Variants in APBB2 observed in about 807,000 individuals in gnomAD.
APBB2 encodes the protein Fe65-like 1.
A neutral mutation model predicts 82.5 loss-of-function variants in APBB2; 38 were observed. The observed-to-expected ratio is 0.46, with a 90% CI of 0.36 to 0.60. The LOEUF is 0.60. APBB2 is among the 20% of genes least tolerant of loss of function. APBB2 has a pLI of 0.00. For missense variants in APBB2, 772 were observed against 972.3 expected (o/e 0.79, Z 2.74); for synonymous variants, 341 against 368.2 (o/e 0.93, Z 0.85).
intron 5 of APBB2, among the ~76,000 whole-genome samples, chr4:41,030,667 C>A (rs1716402763): frequency 6.6e-6 from 1 of 151,846 alleles, no homozygotes; most frequent in South Asian, 2.1e-4. Flanking sequence ...TACGGGCAAG[C>A]CTGATGATGA....
rs34694637 is a variant in APBB2, at chr4:40,928,387, AACACAC to A, written c.1254+6063_1254+6068del. Among the ~76,000 whole-genome samples the A allele has an allele frequency of 7.9e-4, 89 of 112,862 alleles. 2 individuals carry two copies. The highest frequency in any genetic ancestry group is 3.1e-3 in the East Asian group (11 of 3,554). 74.0% of individuals were successfully genotyped at this position (112,862 alleles called of 152,430 possible). On this transcript the variant is annotated intron_variant, in intron 10 of 17. Transcript: ENST00000508593. ...ATGAAACAACATCTCTACTAAAGAA[AACACAC>A]ACACACACACACACACACACACACA...
At position 41,064,212 on chromosome 4, in the gene APBB2, TTGTGATCC is replaced by T. The variant is rs1730866735; in HGVS notation, c.-51+1356_-51+1363del. Among the ~76,000 whole-genome samples, 9 of 139,196 alleles carry T rather than the reference TTGTGATCC, an allele frequency of 6.5e-5. No homozygotes were observed. In the Admixed American group the frequency reaches 6.6e-4, roughly 10 times the overall value. 91.3% of individuals were successfully genotyped at this position (139,196 alleles called of 152,430 possible). ...CCAGGATGGTCTCCATCTCCTGATCTTGTGATCCGCCCGCCTCATCCTCCCAAAGTGCT... is the reference window on the plus strand; with the variant it reads ...CCAGGATGGTCTCCATCTCCTGATCTGCCCGCCTCATCCTCCCAAAGTGCT... On this transcript the variant is annotated intron_variant, in intron 4 of 17. Coordinates refer to ENST00000508593, the MANE Select transcript of APBB2 (RefSeq NM_004307.2).
chr4:40,935,280 C>T (rs1785121317), intron 7 of APBB2, 141 bp from the exon 8 acceptor site: 1 of 628,188 alleles, frequency 1.6e-6, no homozygotes. Context: ...ACTCTAACAG[C>T]AACTTGTTGG....
intron 5 of APBB2, among the ~76,000 whole-genome samples, chr4:41,031,720 C>T (rs1278506721): frequency 2.0e-5 from 3 of 152,190 alleles, no homozygotes; most frequent in African/African-American, 4.8e-5. Context: ...TACTAGAGTA[C>T]CTTGAAGATA....
chr4:40,967,016 A>G (rs545736910), intron 6 of APBB2, among the ~76,000 whole-genome samples: 11 of 152,266 alleles, frequency 7.2e-5, no homozygotes, highest in African/African-American at 2.4e-4. Flanking sequence ...TGGACCAGTC[A>G]GCATGCACTT....
intron 12 of APBB2, chr4:40,881,424 A>G (rs2154346076): frequency 1.0e-6 from 1 of 975,186 alleles, no homozygotes; most frequent in South Asian, 4.7e-5. Flanking sequence ...TCCTAGGGAA[A>G]AAAAACAATG....
intron 5 of APBB2, among the ~76,000 whole-genome samples, chr4:41,015,979 T>C (rs534055401): frequency 1.7e-3 from 252 of 152,364 alleles, no homozygotes; most frequent in Non-Finnish European, 2.7e-3. Flanking sequence ...TACCATTTTA[T>C]GGGAAACATG....
Position 40,863,585 on chromosome 4 carries a change from T to C in APBB2, c.1529+26779A>G, listed in dbSNP as rs147323137. 2.6e-3 allele frequency among the ~76,000 whole-genome samples: 389 copies of C among 152,216 alleles called. 6 individuals are homozygous for C. Among genetic ancestry groups the C allele is most frequent in the Non-Finnish European group, 4.4e-4 (30 of 68,004 alleles). ...AATGAGCAGCATAAAAGATTTTCAA[T>C]GAGCTTGGACAATGAAAGCCAGGGA... is the stretch of plus-strand genomic sequence containing the variant. On this transcript the variant is annotated intron_variant, in intron 12 of 17. Coordinates refer to ENST00000508593, the MANE Select transcript of APBB2 (RefSeq NM_004307.2).
At chr4:40,880,111 A>C in intron 12 of APBB2, 1 of 985,382 alleles carries the variant, frequency 1.0e-6, no homozygotes, top group African/African-American at 1.7e-5. Flanking sequence ...GTCAGTGATG[A>C]TCTCCAGTGC....
Position 40,823,653 on chromosome 4 carries a change from G to A in APBB2, c.1923C>T (p.Ile641=). ...MNVADATVTV[I]SEKNEEEVLV... ...GAAGATTCCTTCTCACCTTTTCACT[G>A]ATGACAGTCACAGTGGCATCAGCCA... Residue 641 remains isoleucine (I), a synonymous_variant, in exon 16 of 18, where the codon ATC becomes ATT. Coordinates refer to ENST00000508593, the MANE Select transcript of APBB2 (RefSeq NM_004307.2). 1 of 1,610,002 alleles carries A rather than the reference G, an allele frequency of 6.2e-7. No individual in the cohort carries two copies. Among genetic ancestry groups the A allele is most frequent in the Non-Finnish European group, 8.5e-7 (1 of 1,176,478 alleles).
chr4:41,092,273 T>A (rs1013813932), intron 3 of APBB2, among the ~76,000 whole-genome samples: 3 of 152,230 alleles, frequency 2.0e-5, no homozygotes, highest in African/African-American at 7.2e-5. Context: ...TACCAAAGTA[T>A]CAAAGTATTA....
intron 6 of APBB2, among the ~76,000 whole-genome samples, chr4:40,948,750 A>T (rs1179116480): frequency 1.5e-5 from 2 of 132,426 alleles, no homozygotes; most frequent in Admixed American, 1.6e-4. Context: ...ACAGAGTGAG[A>T]CTCCCATCTT....
In APBB2 at chr4:41,211,839, T is replaced by C. The variant is rs550876625; in HGVS notation, c.-417+2566A>G. On this transcript the variant is annotated intron_variant, in intron 1 of 17. Coordinates refer to ENST00000508593, the MANE Select transcript of APBB2 (RefSeq NM_004307.2). ...AAGGTACAGAGACACGACATACCAT[T>C]TTTCTTATTTTTTCCTTCAACTTTT... Among the ~76,000 whole-genome samples, 9 of 152,314 alleles carry C rather than the reference T, an allele frequency of 5.9e-5. No homozygotes were observed. In the South Asian group the frequency reaches 1.5e-3, roughly 25 times the overall value.
chr4:40,852,376 T>C (rs999574311), intron 12 of APBB2, among the ~76,000 whole-genome samples: 2 of 150,300 alleles, frequency 1.3e-5, no homozygotes, highest in Non-Finnish European at 3.0e-5. Flanking sequence ...AAAAAAGTAA[T>C]TATGAATGGA....
rs1745136844 is a variant in APBB2, at chr4:40,814,617, A to T, written c.*1475T>A. ...AAGTACATAGCAGTGTATAAACATA[A>T]AGCATTACTTTTATAATTGGATGTT... On this transcript the variant is annotated 3_prime_UTR_variant, in exon 18 of 18. Coordinates refer to ENST00000508593, the MANE Select transcript of APBB2 (RefSeq NM_004307.2). 6.6e-6 allele frequency: 1 copy of T among 152,254 alleles called. No homozygotes were observed. The highest frequency in any genetic ancestry group is 1.9e-4 in the East Asian group (1 of 5,202). The allele number at this position is 152,254 out of a possible 1,614,324, so 9.4% of individuals were successfully genotyped here. A position where few individuals can be genotyped will look rare whatever the true frequency, so the allele number is the denominator to read the frequency against.
intron 5 of APBB2, among the ~76,000 whole-genome samples, chr4:41,026,292 T>C (rs1714179906): frequency 6.6e-6 from 1 of 152,192 alleles, no homozygotes; most frequent in Admixed American, 6.5e-5. Context: ...GACATGTGTT[T>C]ACCTATGTAA....
chr4:40,847,961 C>T (rs1434661787), intron 12 of APBB2, among the ~76,000 whole-genome samples: 1 of 152,238 alleles, frequency 6.6e-6, no homozygotes, highest in South Asian at 2.1e-4. Flanking sequence ...TGTTTGCCAT[C>T]ATACCCGGCT....
rs1731289176 is a variant in APBB2, at chr4:41,065,201, A to G, written c.-51+375T>C. Among the ~76,000 whole-genome samples, 3 of 152,100 alleles carry G rather than the reference A, an allele frequency of 2.0e-5. 1 individual carries two copies. In the South Asian group the frequency reaches 6.2e-4, roughly 32 times the overall value. On this transcript the variant is annotated intron_variant, in intron 4 of 17. Coordinates refer to ENST00000508593, the MANE Select transcript of APBB2 (RefSeq NM_004307.2). Reference sequence around the variant, plus strand: ...CACCGTAAGCTAAGGTGGAAGGATCACTTGAACCAGAAGTTCGAAGCTACA... The same window carrying G: ...CACCGTAAGCTAAGGTGGAAGGATCGCTTGAACCAGAAGTTCGAAGCTACA...
At chr4:41,062,858 T>C (rs1347267147) in intron 4 of APBB2, among the ~76,000 whole-genome samples, 1 of 152,100 alleles carries the variant, frequency 6.6e-6, no homozygotes, top group African/African-American at 2.4e-5. Context: ...ACAAGTCAAA[T>C]GAAAATAAAG....
Sources: allele counts gnomAD v4.1 joint callset (sites outside exome capture counted in the v4.1 genomes callset), GRCh38; gene constraint gnomAD v4.1.1; transcripts MANE v1.5; gene names NCBI Gene and HGNC (gene_info 2026-07-23, HGNC 2026-07-21).